The following PSMD9 variants were observed in gnomAD, a reference collection of about 807,000 sequenced individuals.
PSMD9 encodes proteasome 26S subunit, non-ATPase 9.
A neutral mutation model predicts 25.9 loss-of-function variants in PSMD9; 26 were observed. That is an observed-to-expected ratio of 1.00 (90% CI 0.73 to 1.39). The LOEUF (loss-of-function observed/expected upper bound fraction) is 1.39. Among genes scored for constraint, PSMD9 ranks in the 40% most tolerant of loss-of-function variants. The pLI, the probability that PSMD9 is intolerant of heterozygous loss-of-function variation, is 0.00. For missense variants in PSMD9, 303 were observed against 299.3 expected (o/e 1.01, Z -0.09); for synonymous variants, 110 against 114.5 (o/e 0.96, Z 0.25).
chr12:121,910,975 A>G (rs1157492838), intron 4 of PSMD9: 5 of 456,424 alleles, frequency 1.1e-5, no homozygotes, highest in Admixed American at 7.1e-5. Context: ...TTCTGTCTCT[A>G]TGAATTTGAC....
intron 2 of PSMD9, chr12:121,897,728 A>G (rs1360017766): frequency 8.6e-5 from 13 of 151,584 alleles, no homozygotes; most frequent in Admixed American, 7.9e-4. Flanking sequence ...GGATTTCACC[A>G]TGTTGGCCAG....
chr12:121,891,572 C>G (rs1168674), intron 1 of PSMD9, among the ~76,000 whole-genome samples: 1 of 150,252 alleles, frequency 6.7e-6, no homozygotes, highest in Non-Finnish European at 1.5e-5. Flanking sequence ...TGCACTTCAG[C>G]CTGGGTGACA....
chr12:121,896,707 G>A (rs576964786), intron 2 of PSMD9, among the ~76,000 whole-genome samples: 9 of 149,602 alleles, frequency 6.0e-5, no homozygotes, highest in East Asian at 2.0e-4. Context: ...ATGGTGGCAC[G>A]AACCTGTAAT....
chr12:121,890,187 GATT>G (rs1423008571), intron 1 of PSMD9, among the ~76,000 whole-genome samples: 3 of 152,184 alleles, frequency 2.0e-5, no homozygotes, highest in East Asian at 3.8e-4. Flanking sequence ...CAAGTGCTGG[GATT>G]ACAGGCGTGA....
intron 1 of PSMD9, among the ~76,000 whole-genome samples, chr12:121,891,298 T>TAAA (rs1209397158): frequency 1.1e-5 from 1 of 91,702 alleles, no homozygotes; most frequent in Non-Finnish European, 2.1e-5. Flanking sequence ...GCTGTCTCTT[T>TAAA]AAAAAAAAAA....
At position 121,915,836 on chromosome 12, in the gene PSMD9, TGA is replaced by T. The variant is rs1565897108; in HGVS notation, c.556-18_556-17del. Reference sequence around the variant, plus strand: ...AGTACTAACGAGGCTGAACACGAAATGAGCTTATTTTCTTTTCAGAAGCCCCT... The same window carrying T: ...AGTACTAACGAGGCTGAACACGAAATGCTTATTTTCTTTTCAGAAGCCCCT... On this transcript the variant is annotated intron_variant, in intron 4 of 5. Transcript: ENST00000541212. The T allele has an allele frequency of 6.2e-7, 1 of 1,600,810 alleles. No individual in the cohort carries two copies.
chr12:121,899,907 C>T (rs932042129), intron 3 of PSMD9, 62 bp downstream of exon 3: 11 of 1,577,638 alleles, frequency 7.0e-6, no homozygotes, highest in East Asian at 2.2e-5. Flanking sequence ...AGGTAGCCTT[C>T]GGGGATGTGG....
chr12:121,909,614 G>A (rs950985799), intron 4 of PSMD9, among the ~76,000 whole-genome samples: 2 of 151,998 alleles, frequency 1.3e-5, no homozygotes, highest in Middle Eastern at 3.2e-3. Flanking sequence ...GAGCCACCAC[G>A]CCTGGCTGTG....
At chr12:121,903,567 C>A (rs553205936) in intron 4 of PSMD9, among the ~76,000 whole-genome samples, 2 of 152,186 alleles carry the variant, frequency 1.3e-5, no homozygotes, top group East Asian at 1.9e-4. Context: ...TTGCTCAGCA[C>A]AGCCCCATTC....
chr12:121,910,436 A>AT (rs982526426), intron 4 of PSMD9, among the ~76,000 whole-genome samples: 10 of 151,146 alleles, frequency 6.6e-5, no homozygotes, highest in Admixed American at 2.6e-4. Context: ...TGACATATTT[A>AT]TTTTTTTGTG....
intron 4 of PSMD9, among the ~76,000 whole-genome samples, chr12:121,913,230 C>T (rs1879789793): frequency 6.6e-6 from 1 of 151,926 alleles, no homozygotes; most frequent in East Asian, 1.9e-4. Context: ...AGGCGTGAGC[C>T]ACCGCGCCTG....
chr12:121,901,206 C>T (rs1879385988), intron 3 of PSMD9, among the ~76,000 whole-genome samples: 2 of 152,204 alleles, frequency 1.3e-5, no homozygotes, highest in Middle Eastern at 6.8e-3. Context: ...CCCCAGCTCC[C>T]CGCACCCAGT....
chr12:121,900,578 G>T (rs1416649008), intron 3 of PSMD9, among the ~76,000 whole-genome samples: 1 of 140,618 alleles, frequency 7.1e-6, no homozygotes, highest in Non-Finnish European at 1.5e-5. Context: ...AACAGAGTGA[G>T]ACTCCGTCTC....
In PSMD9 at chr12:121,899,713, G is replaced by T; in HGVS notation, c.321G>T (p.Lys107Asn). The change falls in exon 3 of 6, where the codon AAG becomes AAT. Residue 107 changes from lysine to asparagine, a missense_variant. Lys to Asn is a moderately conservative substitution (Grantham distance 94, BLOSUM62 0). Transcript: ENST00000541212. ...AGCTGCACGCTCGCGACAAGGAGAAGCAGGCCCGGGACATGGCTGAGGCCC... is the reference window on the plus strand; with the variant it reads ...AGCTGCACGCTCGCGACAAGGAGAATCAGGCCCGGGACATGGCTGAGGCCC... Reference protein sequence around the residue: ...LHQLHARDKEKQARDMAEAHK... With the variant: ...LHQLHARDKENQARDMAEAHK... 1.2e-6 allele frequency: 2 copies of T among 1,614,150 alleles called. No individual in the cohort carries two copies. The highest frequency in any genetic ancestry group is 8.5e-7 in the Non-Finnish European group (1 of 1,180,018).
intron 4 of PSMD9, among the ~76,000 whole-genome samples, chr12:121,905,923 G>T (rs1174082308): frequency 6.6e-6 from 1 of 151,794 alleles, no homozygotes; most frequent in Non-Finnish European, 1.5e-5. Flanking sequence ...ATTGCCTCAG[G>T]CTTCTTTGTA....
chr12:121,892,652 G>T (rs1047513324), intron 1 of PSMD9, among the ~76,000 whole-genome samples: 1 of 151,908 alleles, frequency 6.6e-6, no homozygotes, highest in African/African-American at 2.4e-5. Context: ...AGTGAGCCAA[G>T]ATCTCGCCAC....
intron 4 of PSMD9, among the ~76,000 whole-genome samples, chr12:121,907,384 T>C: frequency 6.6e-6 from 1 of 151,838 alleles, no homozygotes; most frequent in East Asian, 1.9e-4. Flanking sequence ...TTTGTTTTTT[T>C]TTTTGTTTGT....
intron 1 of PSMD9, among the ~76,000 whole-genome samples, chr12:121,891,556 C>T (rs1009315247): frequency 1.8e-4 from 27 of 150,714 alleles, no homozygotes; most frequent in African/African-American, 5.9e-4. Flanking sequence ...GCCAAGATTG[C>T]GCCACTGCAC....
At chr12:121,893,940 A>C (rs1644519489) in intron 1 of PSMD9, 1 of 152,210 alleles carries the variant, frequency 6.6e-6, no homozygotes, top group Admixed American at 6.6e-5. Flanking sequence ...TGCAGCAGGT[A>C]GGGAGGGAGG....
Sources: gnomAD v4.1 joint callset for allele counts (sites outside exome capture counted in the v4.1 genomes callset) on GRCh38, gnomAD v4.1.1 for gene constraint, MANE v1.5 for transcripts, NCBI Gene and HGNC (gene_info 2026-07-23, HGNC 2026-07-21) for gene names.